Variants in COLGALT2 observed in about 807,000 individuals in gnomAD.
COLGALT2 encodes the protein procollagen galactosyltransferase 2.
COLGALT2 carries 49 observed loss-of-function variants against 73.4 expected under a neutral mutation model. The ratio of observed to expected loss-of-function variants is 0.67; its 90% CI spans 0.53 to 0.85. COLGALT2 has a LOEUF of 0.85. Ranked by LOEUF, COLGALT2 falls within the 40% of genes least tolerant of loss-of-function variation. The pLI, the probability that COLGALT2 is intolerant of heterozygous loss-of-function variation, is 0.00. For synonymous variants in COLGALT2, 295 were observed against 307.6 expected, an observed-to-expected ratio of 0.96 and a Z score of 0.43; for missense variants, 722 against 790.2, an observed-to-expected ratio of 0.91 and a Z score of 1.03.
intron 10 of COLGALT2, among the ~76,000 whole-genome samples, chr1:183,943,872 GTTAA>G: frequency 6.6e-6 from 1 of 152,224 alleles, no homozygotes; most frequent in African/African-American, 2.4e-5. Flanking sequence ...CATGTGCCAC[GTTAA>G]TTGAGGGTGG....
chr1:184,019,883 A>G (rs60057466), intron 1 of COLGALT2, among the ~76,000 whole-genome samples: 30,683 of 152,128 alleles, frequency 0.2, 3,527 homozygotes, highest in East Asian at 0.47. Context: ...AGAAACAAGG[A>G]GAAGCATAAG....
At chr1:184,036,877 T>C (rs1254951193) in intron 1 of COLGALT2, among the ~76,000 whole-genome samples, 2 of 152,142 alleles carry the variant, frequency 1.3e-5, no homozygotes, top group East Asian at 3.9e-4. Flanking sequence ...ATCAGCACCC[T>C]CTGCGCACAC....
chr1:183,936,279 A>C lies in COLGALT2; in HGVS notation c.*2482T>G. ...GAGAGATAGGACAAATAATGAGGTC[A>C]AGGAACCTCTGGATTGCTGAAGAGA... On this transcript the variant is annotated 3_prime_UTR_variant, in exon 12 of 12. Coordinates refer to ENST00000361927, the MANE Select transcript of COLGALT2 (RefSeq NM_015101.4). 1.0e-6 allele frequency: 1 copy of C among 985,814 alleles called. No individual in the cohort carries two copies. Among genetic ancestry groups the C allele is most frequent in the Non-Finnish European group, 1.2e-6 (1 of 829,924 alleles). The allele number at this position is 985,814 out of a possible 1,614,324, so 61.1% of individuals were successfully genotyped here.
intron 1 of COLGALT2, among the ~76,000 whole-genome samples, chr1:184,005,575 C>T (rs1375038612): frequency 2.0e-5 from 3 of 152,160 alleles, no homozygotes; most frequent in Non-Finnish European, 4.4e-5. Context: ...GCCCTTCCTG[C>T]CTGGAACTCT....
In COLGALT2 at chr1:183,938,190, G is replaced by T. The variant is rs1310604627; in HGVS notation, c.*571C>A. On this transcript the variant is annotated 3_prime_UTR_variant, in exon 12 of 12. Coordinates refer to ENST00000361927, the MANE Select transcript of COLGALT2 (RefSeq NM_015101.4). The stretch of plus-strand genomic sequence containing the variant: ...ATACCCACCCCTACTGGATAACAGG[G>T]ACTAAGATTTTTTTTTTTTAAAAAA... 26 of 969,908 alleles carry T rather than the reference G, an allele frequency of 2.7e-5. No individual in the cohort carries two copies. The highest frequency in any genetic ancestry group is 1.4e-4 in the Admixed American group (2 of 13,886). The allele number at this position is 969,908 out of a possible 1,614,324, so 60.1% of individuals were successfully genotyped here. A position where few individuals can be genotyped will look rare whatever the true frequency, so the allele number is the denominator to read the frequency against.
chr1:183,937,061 G>C lies in COLGALT2; in HGVS notation c.*1700C>G. 1 of 1,231,614 alleles carries C rather than the reference G, an allele frequency of 8.1e-7. No individual in the cohort carries two copies. The highest frequency in any genetic ancestry group is 3.2e-5 in the East Asian group (1 of 31,706). The allele number at this position is 1,231,614 out of a possible 1,614,324, so 76.3% of individuals were successfully genotyped here. On this transcript the variant is annotated 3_prime_UTR_variant, in exon 12 of 12. Transcript: ENST00000361927. ...CTTAATGTGGCAATCAGTATCACAT[G>C]GGCAGTGAACTGAAGAATTAGGTGT...
intron 2 of COLGALT2, among the ~76,000 whole-genome samples, chr1:183,977,205 C>T (rs1671219545): frequency 6.6e-6 from 1 of 152,098 alleles, no homozygotes; most frequent in Admixed American, 6.6e-5. Flanking sequence ...GGCACGGTGG[C>T]TCACACCTGT....
chr1:183,943,145 G>A (rs544389981), intron 10 of COLGALT2, among the ~76,000 whole-genome samples: 1 of 152,294 alleles, frequency 6.6e-6, no homozygotes, highest in East Asian at 1.9e-4. Flanking sequence ...AATCTGACAG[G>A]GCATAGGTGT....
chr1:183,972,768 C>A (rs1005735897), intron 4 of COLGALT2, among the ~76,000 whole-genome samples: 34 of 151,858 alleles, frequency 2.2e-4, no homozygotes, highest in Non-Finnish European at 4.4e-4. Context: ...GGCGCGACCT[C>A]GGCTCACTGC....
At chr1:184,002,649 A>G (rs959994637) in intron 1 of COLGALT2, among the ~76,000 whole-genome samples, 2 of 152,234 alleles carry the variant, frequency 1.3e-5, no homozygotes, top group African/African-American at 2.4e-5. Flanking sequence ...TGGCTGATAA[A>G]TGCTGAGTTT....
intron 1 of COLGALT2, among the ~76,000 whole-genome samples, chr1:184,020,954 A>G (rs1409451379): frequency 6.6e-6 from 1 of 151,974 alleles, no homozygotes; most frequent in Non-Finnish European, 1.5e-5. Context: ...TTCTCATGGC[A>G]TGGGGGCTGG....
chr1:184,037,710 C>T lies in COLGALT2; in HGVS notation c.-353G>A, dbSNP rs1192719615. The T allele has an allele frequency of 1.0e-6, 1 of 983,976 alleles. No individual in the cohort carries two copies. Among genetic ancestry groups the T allele is most frequent in the Non-Finnish European group, 1.2e-6 (1 of 824,122 alleles). 61.0% of individuals were successfully genotyped at this position (983,976 alleles called of 1,614,324 possible). ...TCGTACAGCTGAGGTCTGTGGCCTTCCCTAGAGCCGCGAGTTGTGGCCCTG... is the reference window on the plus strand; with the variant it reads ...TCGTACAGCTGAGGTCTGTGGCCTTTCCTAGAGCCGCGAGTTGTGGCCCTG... On this transcript the variant is annotated 5_prime_UTR_variant, in exon 1 of 12. Coordinates refer to ENST00000361927, the MANE Select transcript of COLGALT2 (RefSeq NM_015101.4).
chr1:184,030,086 T>G (rs1305864340), intron 1 of COLGALT2, among the ~76,000 whole-genome samples: 1 of 152,212 alleles, frequency 6.6e-6, no homozygotes, highest in Admixed American at 6.5e-5. Context: ...CAATCATACT[T>G]TTTTTATTAC....
chr1:184,015,276 G>C (rs1648963037), intron 1 of COLGALT2, among the ~76,000 whole-genome samples: 1 of 152,158 alleles, frequency 6.6e-6, no homozygotes, highest in Admixed American at 6.5e-5. Context: ...GTTATAGAGG[G>C]ATATTCTATG....
Position 183,937,160 on chromosome 1 carries a change from T to C in COLGALT2, c.*1601A>G, listed in dbSNP as rs1197845786. 2 of 1,228,042 alleles carry C rather than the reference T, an allele frequency of 1.6e-6. No homozygotes were observed. The highest frequency in any genetic ancestry group is 2.0e-6 in the Non-Finnish European group (2 of 986,282). 76.1% of individuals were successfully genotyped at this position (1,228,042 alleles called of 1,614,324 possible). On this transcript the variant is annotated 3_prime_UTR_variant, in exon 12 of 12. Coordinates refer to ENST00000361927, the MANE Select transcript of COLGALT2 (RefSeq NM_015101.4). ...CACCACCCGCCTGTGGACTCTGCTC[T>C]GAAGGGCCCTCCCCATGAGTTTAAG...
intron 2 of COLGALT2, among the ~76,000 whole-genome samples, chr1:183,975,437 G>C (rs574363817): frequency 9.2e-5 from 14 of 152,288 alleles, no homozygotes; most frequent in Admixed American, 1.3e-4. Flanking sequence ...AAATATTTCA[G>C]TGGGTTCTAA....
chr1:184,008,467 T>C lies in COLGALT2; in HGVS notation c.263+28628A>G, dbSNP rs535399650. On this transcript the variant is annotated intron_variant, in intron 1 of 11. Coordinates refer to ENST00000361927, the MANE Select transcript of COLGALT2 (RefSeq NM_015101.4). ...TATCAGATCTGGGCATTGTGGCTCA[T>C]CCCTGTAATCCTAACATTTTGGGAG... Among the ~76,000 whole-genome samples, 15 of 152,328 alleles carry C rather than the reference T, an allele frequency of 9.8e-5. No homozygotes were observed. The East Asian group carries it at 2.5e-3, about 25-fold the overall frequency.
In COLGALT2 at chr1:184,037,403, C is replaced by T. The variant is rs904059659; in HGVS notation, c.-46G>A. ...GCGGGGAAGTCCTGGCGCGAGCGCCCGGCTGGGCTGCCTGAGGGCGGCGGC... is the reference window on the plus strand; with the variant it reads ...GCGGGGAAGTCCTGGCGCGAGCGCCTGGCTGGGCTGCCTGAGGGCGGCGGC... On this transcript the variant is annotated 5_prime_UTR_variant, in exon 1 of 12. Coordinates refer to ENST00000361927, the MANE Select transcript of COLGALT2 (RefSeq NM_015101.4). 17 of 1,313,346 alleles carry T rather than the reference C, an allele frequency of 1.3e-5. No homozygotes were observed. The highest frequency in any genetic ancestry group is 1.5e-5 in the Non-Finnish European group (16 of 1,034,970). 81.4% of individuals were successfully genotyped at this position (1,313,346 alleles called of 1,614,324 possible).
chr1:183,984,574 C>T (rs1671439735), intron 1 of COLGALT2, among the ~76,000 whole-genome samples: 1 of 152,192 alleles, frequency 6.6e-6, no homozygotes, highest in African/African-American at 2.4e-5. Context: ...GGAGCTGTGG[C>T]CCTGAGACAG....
Sources: allele counts gnomAD v4.1 joint callset (sites outside exome capture counted in the v4.1 genomes callset), GRCh38; gene constraint gnomAD v4.1.1; transcripts MANE v1.5; gene names NCBI Gene and HGNC (gene_info 2026-07-23, HGNC 2026-07-21).